FYB1: variants seen among roughly 807,000 people sequenced by gnomAD.
FYB1 encodes the protein FYN-binding protein 1.
A neutral mutation model predicts 94.1 loss-of-function variants in FYB1; 41 were observed. The ratio of observed to expected loss-of-function variants is 0.44; its 90% CI spans 0.34 to 0.57. The LOEUF (loss-of-function observed/expected upper bound fraction) is 0.57. Among genes scored for constraint, FYB1 ranks in the 20% least tolerant of loss-of-function variants. The pLI is 0.02. For missense variants in FYB1, 1,050 were observed against 976.8 expected, an observed-to-expected ratio of 1.07 and a Z score of -1.00; for synonymous variants, 367 against 353.2, an observed-to-expected ratio of 1.04 and a Z score of -0.44.
At chr5:39,122,605 T>C (rs932922294) in intron 13 of FYB1, among the ~76,000 whole-genome samples, 3 of 152,066 alleles carry the variant, frequency 2.0e-5, no homozygotes, top group Admixed American at 6.6e-5. Flanking sequence ...TGTTAAATTA[T>C]TCAAAAAACC....
chr5:39,243,916 G>A (rs1234938390), intron 1 of FYB1, among the ~76,000 whole-genome samples: 1 of 152,146 alleles, frequency 6.6e-6, no homozygotes, highest in Non-Finnish European at 1.5e-5. Flanking sequence ...GTGAATGGGA[G>A]TTCACTCATG....
At chr5:39,246,969 A>G (rs1398101335) in intron 1 of FYB1, among the ~76,000 whole-genome samples, 1 of 151,282 alleles carries the variant, frequency 6.6e-6, no homozygotes, top group Non-Finnish European at 1.5e-5. Context: ...CAATTATGTC[A>G]TCTGAAAATG....
rs184426026 is a variant in FYB1, at chr5:39,264,644, C to T, written c.-28+9759G>A. 2.7e-3 allele frequency among the ~76,000 whole-genome samples: 410 copies of T among 152,278 alleles called. 1 individual carries two copies. The highest frequency in any genetic ancestry group is 9.5e-3 in the African/African-American group (396 of 41,554). Reference sequence around the variant, plus strand: ...CTTCCTCAGCTTGAAATGCTTTCTACCCCCATTTACCCCATGCCCAACTCA... The same window carrying T: ...CTTCCTCAGCTTGAAATGCTTTCTATCCCCATTTACCCCATGCCCAACTCA... On this transcript the variant is annotated intron_variant, in intron 1 of 1. Transcript: ENST00000510188.
rs573599479 is a variant in FYB1 at position 39,142,079 on chromosome 5, T to C, written c.1293-938A>G. ...TATGACCATTTATATTTTCTATTCC[T>C]ATTCTCAGTTAATTAACATAGCTGG... On this transcript the variant is annotated intron_variant, in intron 3 of 18. Transcript: ENST00000512982. Among the ~76,000 whole-genome samples, 24 of 152,324 alleles carry C rather than the reference T, an allele frequency of 1.6e-4. No homozygotes were observed. In the South Asian group the frequency reaches 4.8e-3, roughly 30 times the overall value.
chr5:39,258,833 A>G (rs2111589520), intron 1 of FYB1, among the ~76,000 whole-genome samples: 1 of 152,318 alleles, frequency 6.6e-6, no homozygotes, highest in East Asian at 1.9e-4. Context: ...TGTTTTGGAA[A>G]GAGAACAGAG....
intron 2 of FYB1, among the ~76,000 whole-genome samples, chr5:39,188,310 A>C (rs1747030091): frequency 6.6e-6 from 1 of 152,206 alleles, no homozygotes; most frequent in Non-Finnish European, 1.5e-5. Context: ...GAACAACCAC[A>C]GACCTACTTG....
intron 16 of FYB1, among the ~76,000 whole-genome samples, chr5:39,114,054 T>A (rs892854941): frequency 2.2e-4 from 34 of 152,176 alleles, no homozygotes; most frequent in African/African-American, 7.9e-4. Flanking sequence ...AAAAATTATG[T>A]AAGTTAAAAA....
chr5:39,220,365 T>A (rs1354007136), upstream of FYB1, among the ~76,000 whole-genome samples: 1 of 148,796 alleles, frequency 6.7e-6, no homozygotes, highest in African/African-American at 2.5e-5. Flanking sequence ...GAGCTATGAT[T>A]GCACCACCAT....
intron 2 of FYB1, among the ~76,000 whole-genome samples, chr5:39,195,038 C>A (rs540682727): frequency 1.8e-4 from 27 of 152,276 alleles, no homozygotes; most frequent in African/African-American, 5.8e-4. Flanking sequence ...AGCTGAACCA[C>A]GCCGTTGAGC....
intron 12 of FYB1, among the ~76,000 whole-genome samples, chr5:39,125,576 T>A (rs1394880479): frequency 1.3e-5 from 2 of 152,186 alleles, no homozygotes; most frequent in East Asian, 3.9e-4. Flanking sequence ...TTTTGAAGAG[T>A]ATTCAATATA....
At chr5:39,173,924 A>T (rs2476340) in intron 2 of FYB1, among the ~76,000 whole-genome samples, 1 of 152,082 alleles carries the variant, frequency 6.6e-6, no homozygotes, top group African/African-American at 2.4e-5. Context: ...TTGTCTATTC[A>T]GTCTTTTTTT....
chr5:39,266,747 C>T (rs1218887094), intron 1 of FYB1, among the ~76,000 whole-genome samples: 2 of 152,176 alleles, frequency 1.3e-5, no homozygotes, highest in Non-Finnish European at 2.9e-5. Context: ...CCTTCAGTCT[C>T]TCATCCCAGT....
chr5:39,135,198 G>A (rs967938005), intron 7 of FYB1, among the ~76,000 whole-genome samples, 184 bp from the exon 8 acceptor site: 3 of 152,110 alleles, frequency 2.0e-5, no homozygotes, highest in East Asian at 1.9e-4. Flanking sequence ...AAAATCACAG[G>A]GGCCAAGCAG....
intron 9 of FYB1, among the ~76,000 whole-genome samples, chr5:39,132,574 G>A (rs1333284260): frequency 1.3e-5 from 2 of 152,118 alleles, no homozygotes; most frequent in Non-Finnish European, 2.9e-5. Flanking sequence ...AGTAGAGCAG[G>A]TTTTTAGAGT....
At chr5:39,234,201 G>A (rs1293804995) in intron 1 of FYB1, among the ~76,000 whole-genome samples, 3 of 152,110 alleles carry the variant, frequency 2.0e-5, no homozygotes, top group Non-Finnish European at 4.4e-5. Context: ...TAAAGAGTAT[G>A]AGAAAAGGTC....
intron 2 of FYB1, among the ~76,000 whole-genome samples, chr5:39,187,953 G>A (rs62358733): frequency 0.17 from 26,402 of 152,072 alleles, 2,522 homozygotes; most frequent in Non-Finnish European, 0.21. Context: ...GAAAATGAAA[G>A]GGAATAGAAA....
At chr5:39,251,351 C>T (rs1561309164) in intron 1 of FYB1, among the ~76,000 whole-genome samples, 1 of 152,090 alleles carries the variant, frequency 6.6e-6, no homozygotes, top group Non-Finnish European at 1.5e-5. Context: ...ACAATGGTAA[C>T]AACAAAAATA....
intron 2 of FYB1, among the ~76,000 whole-genome samples, chr5:39,186,402 G>A (rs1204837013): frequency 6.6e-6 from 1 of 152,040 alleles, no homozygotes; most frequent in African/African-American, 2.4e-5. Flanking sequence ...CCAGCCTGGC[G>A]ACAGAGTGAG....
intron 1 of FYB1, among the ~76,000 whole-genome samples, chr5:39,255,872 G>A (rs1163080516): frequency 1.3e-5 from 2 of 152,150 alleles, no homozygotes; most frequent in South Asian, 2.1e-4. Flanking sequence ...GCTACTCAGA[G>A]AACTTGAGAA....
Sources: gnomAD v4.1 joint callset for allele counts (sites outside exome capture counted in the v4.1 genomes callset) on GRCh38, gnomAD v4.1.1 for gene constraint, MANE v1.5 for transcripts, NCBI Gene and HGNC (gene_info 2026-07-23, HGNC 2026-07-21) for gene names.